ZSWIM5: variants seen among roughly 807,000 people sequenced by gnomAD.
ZSWIM5 encodes the protein zinc finger SWIM domain-containing protein 5.
Under a neutral mutation model 119.6 loss-of-function variants are expected in ZSWIM5, and 55 were observed. The observed-to-expected ratio is 0.46, with a 90% CI of 0.37 to 0.58. ZSWIM5 has a LOEUF of 0.58. ZSWIM5 is among the 20% of genes least tolerant of loss of function. The probability of loss-of-function intolerance (pLI) is 0.00; values close to 1 mark genes in which losing one functional copy is unlikely to be tolerated. For missense variants in ZSWIM5, 1,193 were observed against 1,512.8 expected, an observed-to-expected ratio of 0.79 and a Z score of 3.51; for synonymous variants, 537 against 606.9, an observed-to-expected ratio of 0.88 and a Z score of 1.69.
At chr1:45,146,143 A>C (rs747083016) in intron 1 of ZSWIM5, among the ~76,000 whole-genome samples, 2 of 152,184 alleles carry the variant, frequency 1.3e-5, no homozygotes, top group Non-Finnish European at 2.9e-5. Flanking sequence ...ATAACTCTTG[A>C]AATATTGCTA....
chr1:45,074,645 T>C (rs1341730023), intron 2 of ZSWIM5, among the ~76,000 whole-genome samples: 5 of 151,916 alleles, frequency 3.3e-5, no homozygotes, highest in African/African-American at 1.2e-4. Flanking sequence ...GGTTTGTCAA[T>C]TTTGTTTAAC....
At chr1:45,042,276 C>T (rs1645021853) in intron 6 of ZSWIM5, among the ~76,000 whole-genome samples, 1 of 152,202 alleles carries the variant, frequency 6.6e-6, no homozygotes, top group Admixed American at 6.5e-5. Flanking sequence ...ACCTCTCCCA[C>T]ACCAGAAACT....
At chr1:45,197,756 T>C (rs1378734754) in intron 1 of ZSWIM5, among the ~76,000 whole-genome samples, 1 of 152,250 alleles carries the variant, frequency 6.6e-6, no homozygotes, top group Non-Finnish European at 1.5e-5. Flanking sequence ...ATAACATATC[T>C]GGATAGGATC....
intron 4 of ZSWIM5, among the ~76,000 whole-genome samples, chr1:45,052,838 T>C (rs1045553418): frequency 2.0e-5 from 3 of 151,848 alleles, no homozygotes; most frequent in Non-Finnish European, 4.4e-5. Context: ...AACTATATTA[T>C]GTGTTGGGTG....
At chr1:45,189,011 A>G (rs1570201243) in intron 1 of ZSWIM5, among the ~76,000 whole-genome samples, 2 of 152,320 alleles carry the variant, frequency 1.3e-5, no homozygotes, top group Admixed American at 1.3e-4. Flanking sequence ...CCTTGATGCT[A>G]TATTAGTAAT....
intron 1 of ZSWIM5, among the ~76,000 whole-genome samples, chr1:45,092,419 C>A (rs1466450938): frequency 1.3e-5 from 2 of 152,130 alleles, no homozygotes; most frequent in Admixed American, 1.3e-4. Context: ...GCCTCAGCCT[C>A]CCGAGTAGCT....
chr1:45,030,011 G>A (rs1293492792), intron 11 of ZSWIM5, among the ~76,000 whole-genome samples: 1 of 152,016 alleles, frequency 6.6e-6, no homozygotes, highest in Non-Finnish European at 1.5e-5. Flanking sequence ...GCAGTGGCAC[G>A]ATAGCTCACT....
intron 1 of ZSWIM5, among the ~76,000 whole-genome samples, chr1:45,157,154 GTTTT>G (rs928904778): frequency 6.8e-6 from 1 of 148,082 alleles, no homozygotes; most frequent in Non-Finnish European, 1.5e-5. Flanking sequence ...TTTCAGTAAG[GTTTT>G]TTTTTTCACT....
At chr1:45,055,446 A>G (rs1215504972) in intron 4 of ZSWIM5, among the ~76,000 whole-genome samples, 1 of 152,186 alleles carries the variant, frequency 6.6e-6, no homozygotes, top group Non-Finnish European at 1.5e-5. Context: ...AAGATAATAC[A>G]TCTTGATGCT....
chr1:45,206,491 G>A lies in ZSWIM5; in HGVS notation c.-141C>T. 1 of 1,156,762 alleles carries A rather than the reference G, an allele frequency of 8.6e-7. No individual in the cohort carries two copies. Among genetic ancestry groups the A allele is most frequent in the African/African-American group, 1.6e-5 (1 of 61,794 alleles). The allele number at this position is 1,156,762 out of a possible 1,614,324, so 71.7% of individuals were successfully genotyped here. On this transcript the variant is annotated 5_prime_UTR_variant, in exon 1 of 14. Transcript: ENST00000359600. ...GGCGAGAGAACCCGCGAGCCAGCCG[G>A]CCCGAGTGGGGAACCGCGGCCGGGC... is the stretch of plus-strand genomic sequence containing the variant.
intron 1 of ZSWIM5, among the ~76,000 whole-genome samples, chr1:45,186,053 A>G (rs1646056271): frequency 6.6e-6 from 1 of 151,882 alleles, no homozygotes; most frequent in African/African-American, 2.4e-5. Flanking sequence ...CATATACACC[A>G]TGGAATACTA....
intron 1 of ZSWIM5, among the ~76,000 whole-genome samples, chr1:45,197,018 T>C (rs905810857): frequency 1.3e-5 from 2 of 152,192 alleles, no homozygotes; most frequent in Non-Finnish European, 2.9e-5. Context: ...TAGCTGACTA[T>C]TCCTATTCAC....
chr1:45,018,387 G>A lies in ZSWIM5; in HGVS notation c.*67C>T, dbSNP rs1644867843. 6.4e-7 allele frequency: 1 copy of A among 1,554,730 alleles called. No homozygotes were observed. ...TCTCTCAGGGTGGACAAATGTTTCA[G>A]TGCCCTTGGCCTGACCTGATACTAC... On this transcript the variant is annotated 3_prime_UTR_variant, in exon 14 of 14. Coordinates refer to ENST00000359600, the MANE Select transcript of ZSWIM5 (RefSeq NM_020883.2). This position sits in a 1 kb window ranked among gnomAD's most constrained non-coding sequence, Gnocchi z 6.7.
intron 2 of ZSWIM5, among the ~76,000 whole-genome samples, chr1:45,061,823 G>A (rs539683049): frequency 6.6e-6 from 1 of 150,966 alleles, no homozygotes; most frequent in African/African-American, 2.4e-5. Context: ...GGGTGCAGTG[G>A]CTCATGCCTG....
chr1:45,146,130 T>C lies in ZSWIM5; in HGVS notation c.596-57893A>G, dbSNP rs547722660. On this transcript the variant is annotated intron_variant, in intron 1 of 13. Coordinates refer to ENST00000359600, the MANE Select transcript of ZSWIM5 (RefSeq NM_020883.2). ...GGACAGAAATTGGAGTTAACAAGTATAGATAACTCTTGAAATATTGCTACA... is the reference window on the plus strand; with the variant it reads ...GGACAGAAATTGGAGTTAACAAGTACAGATAACTCTTGAAATATTGCTACA... Among the ~76,000 whole-genome samples, 4 of 152,304 alleles carry C rather than the reference T, an allele frequency of 2.6e-5. No individual in the cohort carries two copies. In the South Asian group the frequency reaches 6.2e-4, roughly 24 times the overall value.
intron 1 of ZSWIM5, among the ~76,000 whole-genome samples, chr1:45,184,643 T>C (rs540044078): frequency 6.6e-5 from 10 of 152,038 alleles, no homozygotes; most frequent in Non-Finnish European, 1.2e-4. Context: ...TGAACTCCCA[T>C]TCACAATTGC....
chr1:45,058,819 A>G, intron 3 of ZSWIM5, 60 bp from the exon 4 acceptor site: 1 of 1,595,246 alleles, frequency 6.3e-7, no homozygotes, highest in South Asian at 1.1e-5. Flanking sequence ...GTAGGAGGAG[A>G]AGGAAGTGGG....
At chr1:45,090,326 G>A (rs1645357649) in intron 1 of ZSWIM5, among the ~76,000 whole-genome samples, 1 of 152,092 alleles carries the variant, frequency 6.6e-6, no homozygotes, top group African/African-American at 2.4e-5. Flanking sequence ...ACCCCACAGA[G>A]GTTTTTTCTC....
chr1:45,020,788 C>T lies in ZSWIM5; in HGVS notation c.2450G>A (p.Gly817Glu). 2 of 1,613,434 alleles carry T rather than the reference C, an allele frequency of 1.2e-6. No individual in the cohort carries two copies. Among genetic ancestry groups the T allele is most frequent in the Non-Finnish European group, 1.7e-6 (2 of 1,179,752 alleles). ...LASTMLTAAKGDTLRLRTILE... is the reference protein window; with the variant it reads ...LASTMLTAAKEDTLRLRTILE... The stretch of plus-strand genomic sequence containing the variant: ...AATTGTTCGGAGTCTCAAAGTGTCT[C>T]CTATAGGTGTCAAGAGAAGGGGCAG... The change falls in exon 12 of 14, where the codon GGA (glycine) becomes GAA (glutamate). Residue 817 changes from glycine (G) to glutamate (E), a missense_variant and splice_region_variant. Transcript: ENST00000359600.
Sources: gnomAD v4.1 joint callset for allele counts (sites outside exome capture counted in the v4.1 genomes callset) on GRCh38, gnomAD v4.1.1 for gene constraint, Gnocchi (gnomAD v3.1) non-coding constraint, MANE v1.5 for transcripts, NCBI Gene and HGNC (gene_info 2026-07-23, HGNC 2026-07-21) for gene names.